Variants in IPCEF1 observed in about 807,000 individuals in gnomAD.
IPCEF1 encodes the protein interaction protein for cytohesin exchange factors 1, also known as interactor protein for cytohesin exchange factors 1.
A neutral mutation model predicts 50.9 loss-of-function variants in IPCEF1; 31 were observed. The ratio of observed to expected loss-of-function variants is 0.61; its 90% CI spans 0.46 to 0.82. IPCEF1 has a LOEUF of 0.82. Among genes scored for constraint, IPCEF1 ranks in the 40% least tolerant of loss-of-function variants. The pLI is 0.00. For missense variants in IPCEF1, 458 were observed against 514.0 expected, an observed-to-expected ratio of 0.89 and a Z score of 1.05; for synonymous variants, 181 against 192.0, an observed-to-expected ratio of 0.94 and a Z score of 0.47.
intron 3 of IPCEF1, among the ~76,000 whole-genome samples, chr6:154,264,194 T>A (rs1781693087): frequency 6.6e-6 from 1 of 151,966 alleles, no homozygotes; most frequent in East Asian, 1.9e-4. Context: ...CTTCCTTTTC[T>A]CCAAGCTTTA....
intron 2 of IPCEF1, among the ~76,000 whole-genome samples, chr6:154,282,886 ATGG>A (rs775738614): frequency 3.9e-5 from 6 of 152,200 alleles, no homozygotes; most frequent in African/African-American, 7.2e-5. Context: ...CCTTGGTGAA[ATGG>A]TGGAGAAAAG....
At chr6:154,319,467 G>A (rs147270756) in intron 1 of IPCEF1, among the ~76,000 whole-genome samples, 2,001 of 152,126 alleles carry the variant, frequency 0.013, 15 homozygotes, top group Middle Eastern at 0.017. Flanking sequence ...AAATATATTT[G>A]TTCAAAAAAT....
At chr6:154,298,043 AAGC>A in intron 1 of IPCEF1, among the ~76,000 whole-genome samples, 1 of 152,324 alleles carries the variant, frequency 6.6e-6, no homozygotes, top group East Asian at 1.9e-4. Flanking sequence ...CCAGCATATA[AAGC>A]ACAGAAGTGC....
intron 4 of IPCEF1, 146 bp from the exon 5 acceptor site, chr6:154,246,906 G>T: frequency 1.7e-6 from 1 of 595,120 alleles, no homozygotes; most frequent in Non-Finnish European, 2.4e-6. Context: ...TTTATGCAAA[G>T]CCTATGCAAA....
intron 5 of IPCEF1, among the ~76,000 whole-genome samples, chr6:154,242,879 C>T (rs1780706164): frequency 1.1e-5 from 1 of 90,692 alleles, no homozygotes; most frequent in South Asian, 4.5e-4. Flanking sequence ...TAGAGCAAGA[C>T]TCCGTCTCAA....
At chr6:154,251,957 A>G (rs376522516) in intron 3 of IPCEF1, among the ~76,000 whole-genome samples, 10 of 152,322 alleles carry the variant, frequency 6.6e-5, no homozygotes, top group Admixed American at 3.9e-4. Context: ...ACTTAGCACC[A>G]TAGAGAACAC....
At chr6:154,160,895 T>G (rs1053793448) in intron 11 of IPCEF1, among the ~76,000 whole-genome samples, 9 of 152,174 alleles carry the variant, frequency 5.9e-5, no homozygotes, top group Non-Finnish European at 1.0e-4. Context: ...CTGCCTCCAA[T>G]GCCCACTTCA....
chr6:154,246,987 C>T (rs556901267), intron 4 of IPCEF1: 2 of 490,822 alleles, frequency 4.1e-6, no homozygotes, highest in South Asian at 8.7e-5. Context: ...ACATTTGTTT[C>T]ATGCTTAGAA....
At chr6:154,294,565 C>T (rs1221193081) in intron 1 of IPCEF1, among the ~76,000 whole-genome samples, 3 of 152,122 alleles carry the variant, frequency 2.0e-5, no homozygotes, top group Non-Finnish European at 4.4e-5. Flanking sequence ...TGTGGTGCAG[C>T]CATGAATTTC....
intron 1 of IPCEF1, among the ~76,000 whole-genome samples, chr6:154,297,274 A>G (rs1782688813): frequency 6.6e-6 from 1 of 152,136 alleles, no homozygotes; most frequent in Non-Finnish European, 1.5e-5. Context: ...TCCTGGGCTC[A>G]TGCAATCCAC....
chr6:154,262,605 A>G (rs766746085), intron 3 of IPCEF1, among the ~76,000 whole-genome samples: 5 of 152,196 alleles, frequency 3.3e-5, no homozygotes, highest in Non-Finnish European at 5.9e-5. Context: ...TCTTAAACAT[A>G]TAAGATGAAC....
At chr6:154,271,304 A>G (rs1054559270) in intron 2 of IPCEF1, among the ~76,000 whole-genome samples, 7 of 151,774 alleles carry the variant, frequency 4.6e-5, no homozygotes, top group African/African-American at 7.3e-5. Flanking sequence ...CAAGGTTGGT[A>G]TGATAGTGCC....
At chr6:154,322,966 A>C (rs1313426866) in intron 1 of IPCEF1, among the ~76,000 whole-genome samples, 3 of 152,148 alleles carry the variant, frequency 2.0e-5, no homozygotes, top group Non-Finnish European at 2.9e-5. Context: ...AAAACAAAAC[A>C]AATATATGAA....
intron 3 of IPCEF1, among the ~76,000 whole-genome samples, chr6:154,263,713 C>T (rs1316439381): frequency 3.0e-5 from 2 of 66,044 alleles, no homozygotes; most frequent in African/African-American, 6.6e-5. Context: ...CTTTCTATTC[C>T]ACAAAACCGC....
At chr6:154,234,848 A>G (rs1779989420) in intron 5 of IPCEF1, among the ~76,000 whole-genome samples, 1 of 152,256 alleles carries the variant, frequency 6.6e-6, no homozygotes. Context: ...GTAATTTTAA[A>G]AAATGATTAA....
chr6:154,254,850 TAAC>T (rs1781423920), intron 3 of IPCEF1, among the ~76,000 whole-genome samples: 1 of 152,186 alleles, frequency 6.6e-6, no homozygotes, highest in Non-Finnish European at 1.5e-5. Context: ...TACTTACATT[TAAC>T]AACATTTTTA....
At chr6:154,347,719 C>G (rs1784058099) in intron 1 of IPCEF1, among the ~76,000 whole-genome samples, 1 of 152,240 alleles carries the variant, frequency 6.6e-6, no homozygotes, top group Non-Finnish European at 1.5e-5. Flanking sequence ...GTGGCTCCTA[C>G]TGCCCAGAAA....
intron 2 of IPCEF1, among the ~76,000 whole-genome samples, chr6:154,282,847 C>A (rs1025017631): frequency 1.3e-5 from 2 of 152,166 alleles, no homozygotes; most frequent in African/African-American, 4.8e-5. Context: ...GCCATGAACG[C>A]TCTGCAAACC....
chr6:154,182,414 A>T (rs1225750902), intron 10 of IPCEF1, among the ~76,000 whole-genome samples: 1 of 152,154 alleles, frequency 6.6e-6, no homozygotes, highest in Non-Finnish European at 1.5e-5. Flanking sequence ...CGTTTTCTGA[A>T]ATAATCTTAA....
Sources: gnomAD v4.1 joint callset for allele counts (sites outside exome capture counted in the v4.1 genomes callset) on GRCh38, gnomAD v4.1.1 for gene constraint, MANE v1.5 for transcripts, NCBI Gene and HGNC (gene_info 2026-07-23, HGNC 2026-07-21) for gene names.